The following DLG2 variants were observed in gnomAD, a reference collection of about 807,000 sequenced individuals.
DLG2 encodes discs large MAGUK scaffold protein 2, also known as disks large homolog 2.
In DLG2, 45 loss-of-function variants were observed where a neutral mutation model predicts 132.5. That is an observed-to-expected ratio of 0.34 (90% CI 0.27 to 0.44). The LOEUF is 0.44. Among genes scored for constraint, DLG2 ranks in the 20% least tolerant of loss-of-function variants. The pLI is 1.00. For missense variants in DLG2, 1,045 were observed against 1,196.9 expected, an observed-to-expected ratio of 0.87 and a Z score of 1.87; for synonymous variants, 424 against 419.6, an observed-to-expected ratio of 1.01 and a Z score of -0.13.
chr11:85,484,223 C>G (rs1440985562), intron 3 of DLG2, among the ~76,000 whole-genome samples: 1 of 145,970 alleles, frequency 6.9e-6, no homozygotes, highest in Non-Finnish European at 1.5e-5. Context: ...GACCCCTCCA[C>G]CCGCCCTCCC....
intron 3 of DLG2, among the ~76,000 whole-genome samples, chr11:85,461,185 A>T (rs2092598727): frequency 1.3e-5 from 2 of 152,212 alleles, no homozygotes; most frequent in Non-Finnish European, 2.9e-5. Context: ...CATATATATT[A>T]ACATCATTTC....
chr11:84,871,497 G>T (rs1013555546), intron 6 of DLG2, among the ~76,000 whole-genome samples: 1 of 152,150 alleles, frequency 6.6e-6, no homozygotes, highest in Non-Finnish European at 1.5e-5. Flanking sequence ...CTTGAGGAAA[G>T]CTATAGTGAA....
At chr11:84,456,278 G>A (rs933948725) in intron 7 of DLG2, among the ~76,000 whole-genome samples, 11 of 151,246 alleles carry the variant, frequency 7.3e-5, no homozygotes, top group Admixed American at 2.6e-4. Context: ...AATCAGATAC[G>A]TTTGGCCCAG....
chr11:84,050,925 G>A (rs980651812), intron 11 of DLG2, among the ~76,000 whole-genome samples: 1 of 151,924 alleles, frequency 6.6e-6, no homozygotes, highest in East Asian at 1.9e-4. Flanking sequence ...CTGTAGCCTT[G>A]TAATATAGTT....
At chr11:85,204,982 C>A (rs2081762879) in intron 4 of DLG2, among the ~76,000 whole-genome samples, 1 of 151,816 alleles carries the variant, frequency 6.6e-6, no homozygotes, top group Non-Finnish European at 1.5e-5. Flanking sequence ...TATCCACACG[C>A]AGAAAAATAA....
chr11:84,525,020 T>C (rs1427756367), intron 7 of DLG2, among the ~76,000 whole-genome samples: 1 of 152,140 alleles, frequency 6.6e-6, no homozygotes, highest in African/African-American at 2.4e-5. Flanking sequence ...TCCAAGCTAC[T>C]AAGGGCTAAA....
intron 11 of DLG2, among the ~76,000 whole-genome samples, chr11:84,000,112 TACAAAGAAATCA>T (rs1250465479): frequency 9.9e-5 from 15 of 151,926 alleles, no homozygotes; most frequent in African/African-American, 3.6e-4. Flanking sequence ...TGAAAACCAA[TACAAAGAAATCA>T]GAAAAACAAT....
chr11:84,320,061 T>C (rs1482357853), intron 7 of DLG2, among the ~76,000 whole-genome samples: 2 of 152,148 alleles, frequency 1.3e-5, no homozygotes, highest in African/African-American at 4.8e-5. Context: ...AATTGGACAA[T>C]TGTAATGACC....
At chr11:84,924,074 AG>A (rs1201033167) in intron 6 of DLG2, among the ~76,000 whole-genome samples, 2 of 152,090 alleles carry the variant, frequency 1.3e-5, no homozygotes, top group East Asian at 3.9e-4. Context: ...GAAAAATAAA[AG>A]CTTCTGCCCC....
intron 6 of DLG2, among the ~76,000 whole-genome samples, chr11:84,589,032 G>C (rs1383101292): frequency 2.0e-5 from 3 of 152,128 alleles, no homozygotes; most frequent in South Asian, 4.1e-4. Context: ...CTGACCCAAA[G>C]ACTAACTCCA....
At chr11:84,977,645 G>C (rs2055097147) in intron 6 of DLG2, among the ~76,000 whole-genome samples, 1 of 152,110 alleles carries the variant, frequency 6.6e-6, no homozygotes, top group South Asian at 2.1e-4. Context: ...TGCACATATG[G>C]ATAGGAGTCT....
At chr11:85,551,762 A>G (rs976251337) in intron 3 of DLG2, among the ~76,000 whole-genome samples, 2 of 152,076 alleles carry the variant, frequency 1.3e-5, no homozygotes, top group Admixed American at 6.6e-5. Context: ...CAGAGTAACA[A>G]TGTGCCACAA....
chr11:85,359,515 G>A (rs760847622), intron 3 of DLG2, among the ~76,000 whole-genome samples: 9 of 152,174 alleles, frequency 5.9e-5, no homozygotes, highest in African/African-American at 1.9e-4. Context: ...CAAATCTGAT[G>A]TGTACATAGT....
intron 6 of DLG2, among the ~76,000 whole-genome samples, chr11:85,014,029 C>T (rs1336076696): frequency 6.6e-6 from 1 of 152,040 alleles, no homozygotes; most frequent in Admixed American, 6.6e-5. Context: ...CTGGATTCTC[C>T]TCAAAAGAGA....
chr11:84,693,069 A>G (rs751644596), intron 6 of DLG2, among the ~76,000 whole-genome samples: 3 of 151,720 alleles, frequency 2.0e-5, no homozygotes, highest in African/African-American at 4.8e-5. Flanking sequence ...TTCCTGGGAA[A>G]TGTTCATTGC....
intron 3 of DLG2, among the ~76,000 whole-genome samples, chr11:85,510,630 A>G (rs1342387656): frequency 2.0e-5 from 3 of 152,236 alleles, no homozygotes; most frequent in Admixed American, 6.5e-5. Flanking sequence ...AATGCTCATC[A>G]TCACTGGCCA....
chr11:84,901,821 A>T (rs1211129800), intron 6 of DLG2, among the ~76,000 whole-genome samples: 1 of 152,042 alleles, frequency 6.6e-6, no homozygotes, highest in Non-Finnish European at 1.5e-5. Flanking sequence ...CTCTTAATAT[A>T]TTTGAATCCA....
At chr11:85,308,163 A>AATAAG (rs2080080233) in intron 3 of DLG2, among the ~76,000 whole-genome samples, 1 of 128,238 alleles carries the variant, frequency 7.8e-6, no homozygotes, top group Non-Finnish European at 1.7e-5. Flanking sequence ...CAAAAAATAA[A>AATAAG]ATAAAATAAA....
At chr11:84,617,292 T>C (rs931675574) in intron 6 of DLG2, among the ~76,000 whole-genome samples, 2 of 152,142 alleles carry the variant, frequency 1.3e-5, no homozygotes, top group African/African-American at 2.4e-5. Context: ...GCTTCATCCA[T>C]GTCCCTGCAA....
Sources: allele counts gnomAD v4.1 joint callset (sites outside exome capture counted in the v4.1 genomes callset), GRCh38; gene constraint gnomAD v4.1.1; transcripts MANE v1.5; gene names NCBI Gene and HGNC (gene_info 2026-07-23, HGNC 2026-07-21).